The following GPNMB variants were observed in gnomAD, a reference collection of about 807,000 sequenced individuals.
The protein encoded by GPNMB is transmembrane glycoprotein NMB.
A neutral mutation model predicts 57.3 loss-of-function variants in GPNMB; 71 were observed. The observed-to-expected ratio is 1.24, with a 90% CI of 1.02 to 1.51. GPNMB has a LOEUF of 1.51. Among genes scored for constraint, GPNMB ranks in the 40% most tolerant of loss-of-function variants. The pLI is 0.00. For missense variants in GPNMB, 677 were observed against 691.9 expected, an observed-to-expected ratio of 0.98 and a Z score of 0.24; for synonymous variants, 253 against 263.2, an observed-to-expected ratio of 0.96 and a Z score of 0.38.
chr7:23,260,348 T>G (rs1045760455), intron 5 of GPNMB, 108 bp from the exon 6 acceptor site: 3 of 1,090,336 alleles, frequency 2.8e-6, no homozygotes, highest in Non-Finnish European at 4.0e-6. Context: ...AAAATAATGC[T>G]AAATTATCCC....
At chr7:23,266,151 A>G (rs529335149) in intron 6 of GPNMB, 41 of 173,646 alleles carry the variant, frequency 2.4e-4, no homozygotes, top group African/African-American at 6.0e-4. Context: ...GGGTTTCACC[A>G]TGTTAGTCAG....
intron 1 of GPNMB, 163 bp downstream of exon 1, chr7:23,247,090 C>A (rs1782548900): frequency 3.1e-6 from 2 of 642,672 alleles, no homozygotes; most frequent in Non-Finnish European, 5.6e-6. Flanking sequence ...AAGGCTGAAA[C>A]TACAGCAAAA....
rs749234426 is a variant in GPNMB at position 23,260,154 on chromosome 7, TCTAA to T, written c.700+19_700+22del. 4.2e-5 allele frequency: 67 copies of T among 1,612,128 alleles called. 1 individual carries two copies. Among genetic ancestry groups the T allele is most frequent in the African/African-American group, 1.2e-4 (9 of 74,888 alleles). On this transcript the variant is annotated intron_variant, in intron 5 of 10. Transcript: ENST00000258733. ...GTGGTAACAGGTGAGTGGTGTGAAC[TCTAA>T]CTGAGGATGAGGCACTTCATTCTGT...
chr7:23,261,470 T>C (rs1782921001), intron 6 of GPNMB, among the ~76,000 whole-genome samples: 2 of 152,242 alleles, frequency 1.3e-5, no homozygotes, highest in Non-Finnish European at 2.9e-5. Context: ...GATGAGTTCA[T>C]GTCCTTTGTA....
intron 8 of GPNMB, among the ~76,000 whole-genome samples, chr7:23,269,752 T>A (rs1783153222): frequency 2.0e-5 from 3 of 152,222 alleles, no homozygotes; most frequent in Admixed American, 2.0e-4. Context: ...GGGCCTCACT[T>A]TCCTGAGGAT....
Position 23,254,036 on chromosome 7 carries a change from C to T in GPNMB, c.224-133C>T, listed in dbSNP as rs1782719522. 3 of 605,704 alleles carry T rather than the reference C, an allele frequency of 5.0e-6. No homozygotes were observed. The East Asian group carries it at 1.0e-4, about 21-fold the overall frequency. The allele number at this position is 605,704 out of a possible 1,614,324, so 37.5% of individuals were successfully genotyped here. A position where few individuals can be genotyped will look rare whatever the true frequency, so the allele number is the denominator to read the frequency against. On this transcript the variant is annotated intron_variant, in intron 2 of 10. Transcript: ENST00000258733. ...ACTCTGAAAGCTAAAGTGAGGAATA[C>T]AAAATATAAATTTAATATATTATAA... is the stretch of plus-strand genomic sequence containing the variant.
chr7:23,248,566 A>T (rs943535121), intron 1 of GPNMB, among the ~76,000 whole-genome samples: 2 of 152,122 alleles, frequency 1.3e-5, no homozygotes, highest in Non-Finnish European at 2.9e-5. Context: ...TTCCATTCGT[A>T]GCCCTGAAGG....
rs747206051 is a variant in GPNMB at position 23,246,881 on chromosome 7, G to A, written c.24G>A (p.Leu8=). 5.8e-5 allele frequency: 93 copies of A among 1,613,734 alleles called. No individual in the cohort carries two copies. The South Asian group carries it at 1.0e-3, about 17-fold the overall frequency. The part of the protein sequence containing the change: MECLYYF[L]GFLLLAARLP... ...GCATGGAATGTCTCTACTATTTCCT[G>A]GGATTTCTGCTCCTGGCTGCAAGAT... Residue 8 remains leucine (L), a synonymous_variant, in exon 1 of 11, where the codon CTG becomes CTA. Transcript: ENST00000258733.
At chr7:23,265,983 C>T (rs1286277750) in intron 6 of GPNMB, among the ~76,000 whole-genome samples, 1 of 151,486 alleles carries the variant, frequency 6.6e-6, no homozygotes, top group African/African-American at 2.4e-5. Context: ...GAGTCTCGCT[C>T]TGTCACCCAG....
At position 23,270,989 on chromosome 7, in the gene GPNMB, C is replaced by T. The variant is rs574895293; in HGVS notation, c.1429+814C>T. ...GAAAGACTAAGTTGTGTACATATTA[C>T]AGCAGCAGTCCCCAACCTTTCTGAC... On this transcript the variant is annotated intron_variant, in intron 9 of 10. Coordinates refer to ENST00000258733, the MANE Select transcript of GPNMB (RefSeq NM_002510.3). 9.8e-5 allele frequency among the ~76,000 whole-genome samples: 15 copies of T among 152,306 alleles called. No individual in the cohort carries two copies. The South Asian group carries it at 1.4e-3, about 15-fold the overall frequency.
intron 3 of GPNMB, among the ~76,000 whole-genome samples, chr7:23,256,195 T>C (rs1407928344): frequency 6.6e-6 from 1 of 152,126 alleles, no homozygotes. Flanking sequence ...TGTGAGCCAC[T>C]GCACCCAGCC....
In GPNMB at chr7:23,273,575, T is replaced by A; in HGVS notation, c.1484T>A (p.Leu495Ter). 6.2e-7 allele frequency: 1 copy of A among 1,613,892 alleles called. No individual in the cohort carries two copies. Among genetic ancestry groups the A allele is most frequent in the Non-Finnish European group, 8.5e-7 (1 of 1,179,758 alleles). The change falls in exon 10 of 11, where the codon TTG becomes TAG. Residue 495 changes from leucine to a stop codon, truncating the protein, a stop_gained. Coordinates refer to ENST00000258733, the MANE Select transcript of GPNMB (RefSeq NM_002510.3). LOFTEE classifies it low-confidence loss of function (END_TRUNC). ...AGTGCCCTGATCTCCGTTGGCTGCT[T>A]GGCCATATTTGTCACTGTGATCTCC... ...ANSALISVGC[L>*]AIFVTVISLL...
chr7:23,265,967 G>T (rs1336440458), intron 6 of GPNMB, among the ~76,000 whole-genome samples: 1 of 150,176 alleles, frequency 6.7e-6, no homozygotes, highest in Non-Finnish European at 1.5e-5. Context: ...ACCTTTTTTT[G>T]AGACGGAGTC....
In GPNMB at chr7:23,268,661, G is replaced by A. The variant is rs556297167; in HGVS notation, c.1220+673G>A. Among the ~76,000 whole-genome samples the A allele has an allele frequency of 2.0e-4, 31 of 152,278 alleles. 1 individual carries two copies. The highest frequency in any genetic ancestry group is 5.1e-4 in the African/African-American group (21 of 41,538). On this transcript the variant is annotated intron_variant, in intron 8 of 10. Coordinates refer to ENST00000258733, the MANE Select transcript of GPNMB (RefSeq NM_002510.3). ...CCTGATTAAAATATATGTGTGTGTA[G>A]ATACATAAATTAATCAGGAGAATGA... is the stretch of plus-strand genomic sequence containing the variant.
At chr7:23,259,597 A>C (rs1354127654) in intron 4 of GPNMB, among the ~76,000 whole-genome samples, 1 of 152,196 alleles carries the variant, frequency 6.6e-6, no homozygotes, top group Non-Finnish European at 1.5e-5. Context: ...AGGTTATTGG[A>C]TAAATAATTT....
rs1583844769 is a variant in GPNMB at position 23,274,822 on chromosome 7, A to C, written c.*598A>C. The C allele has an allele frequency of 2.0e-5, 3 of 152,350 alleles. No homozygotes were observed. In the East Asian group the frequency reaches 5.8e-4, roughly 29 times the overall value. The allele number at this position is 152,350 out of a possible 1,614,324, so 9.4% of individuals were successfully genotyped here. A position where few individuals can be genotyped will look rare whatever the true frequency, so the allele number is the denominator to read the frequency against. The stretch of plus-strand genomic sequence containing the variant: ...CCTACTTTGCTTGGCTGAGTGAAGG[A>C]ATGATATTCATATATTCATTTATTC... On this transcript the variant is annotated 3_prime_UTR_variant, in exon 11 of 11. Coordinates refer to ENST00000258733, the MANE Select transcript of GPNMB (RefSeq NM_002510.3).
In GPNMB at chr7:23,256,901, T is replaced by A. The variant is rs773044433; in HGVS notation, c.377T>A (p.Leu126Ter). The A allele has an allele frequency of 2.5e-6, 4 of 1,613,910 alleles. No homozygotes were observed. In the Admixed American group the frequency reaches 6.7e-5, roughly 27 times the overall value. Residue 126 changes from leucine (L) to a stop codon, truncating the protein, a stop_gained, in exon 4 of 11, where the codon TTA becomes TAA. Coordinates refer to ENST00000258733, the MANE Select transcript of GPNMB (RefSeq NM_002510.3). LOFTEE classifies it high-confidence loss of function. ...YEKNCRNEAG[L>*]SADPYVYNWT... is the part of the protein sequence containing the mutation. Reference sequence around the variant, plus strand: ...TTCTATCTCTGTTTAGAGGCTGGTTTATCTGCTGATCCGTATGTTTACAAC... The same window carrying A: ...TTCTATCTCTGTTTAGAGGCTGGTTAATCTGCTGATCCGTATGTTTACAAC...
chr7:23,270,006 C>T lies in GPNMB; in HGVS notation c.1260C>T (p.Thr420=). 1 of 1,614,138 alleles carries T rather than the reference C, an allele frequency of 6.2e-7. No homozygotes were observed. The highest frequency in any genetic ancestry group is 8.5e-7 in the Non-Finnish European group (1 of 1,180,028). The change falls in exon 9 of 11, where the codon ACC becomes ACT. Residue 420 remains threonine, a synonymous_variant. Coordinates refer to ENST00000258733, the MANE Select transcript of GPNMB (RefSeq NM_002510.3). ...TCTGTACCATCATTTCTGACCCCACCTGCGAGATCACCCAGAACACAGTCT... is the reference window on the plus strand; with the variant it reads ...TCTGTACCATCATTTCTGACCCCACTTGCGAGATCACCCAGAACACAGTCT... ...TEVCTIISDP[T]CEITQNTVCS... is the part of the protein sequence containing the mutation.
At chr7:23,269,732 C>T (rs963067554) in intron 8 of GPNMB, among the ~76,000 whole-genome samples, 2 of 151,882 alleles carry the variant, frequency 1.3e-5, no homozygotes, top group African/African-American at 4.8e-5. Context: ...TTTTTTTCTC[C>T]TCCACCCCAG....
Sources: gnomAD v4.1 joint callset for allele counts (sites outside exome capture counted in the v4.1 genomes callset) on GRCh38, gnomAD v4.1.1 for gene constraint, MANE v1.5 for transcripts, NCBI Gene and HGNC (gene_info 2026-07-23, HGNC 2026-07-21) for gene names.